The following MRNIP variants were observed in gnomAD, a reference collection of about 807,000 sequenced individuals.
MRNIP encodes the protein MRN complex interacting protein, also known as MRN complex-interacting protein.
Under a neutral mutation model 29.8 loss-of-function variants are expected in MRNIP, and 30 were observed. The ratio of observed to expected loss-of-function variants is 1.01; its 90% CI spans 0.75 to 1.36. The LOEUF is 1.36. Ranked by LOEUF, MRNIP falls within the 40% of genes most tolerant of loss-of-function variation. The pLI, the probability that MRNIP is intolerant of heterozygous loss-of-function variation, is 0.00. For synonymous variants in MRNIP, 201 were observed against 164.1 expected, an observed-to-expected ratio of 1.23 and a Z score of -1.72; for missense variants, 459 against 423.5, an observed-to-expected ratio of 1.08 and a Z score of -0.74.
intron 1 of MRNIP, among the ~76,000 whole-genome samples, chr5:179,858,407 CT>C (rs1242296175): frequency 6.6e-6 from 1 of 152,052 alleles, no homozygotes; most frequent in Non-Finnish European, 1.5e-5. Flanking sequence ...CGTCCTCCCC[CT>C]CTCACTGAAA....
In MRNIP at chr5:179,848,913, C is replaced by T. The variant is rs148422430; in HGVS notation, c.127-847G>A. Among the ~76,000 whole-genome samples the T allele has an allele frequency of 5.9e-3, 896 of 152,272 alleles. 4 individuals are homozygous for T. The highest frequency in any genetic ancestry group is 0.01 in the Middle Eastern group (3 of 294). ...GGAGGAACAGCAAAGAGGCCAGCAT[C>T]GCTGGAGCTGAGGGGTCTAAGGGGA... On this transcript the variant is annotated intron_variant, in intron 2 of 6. Coordinates refer to ENST00000292586, the MANE Select transcript of MRNIP (RefSeq NM_016175.4).
In MRNIP at chr5:179,842,077, G is replaced by GA; in HGVS notation, c.292-14dup. On this transcript the variant is annotated splice_polypyrimidine_tract_variant and intron_variant, in intron 4 of 6. Coordinates refer to ENST00000292586, the MANE Select transcript of MRNIP (RefSeq NM_016175.4). ...GCTGCGATTTTTCCTGCCAGATTGA[G>GA]AAAAAAGTTGATTCTCAGTACTGGA... 6.2e-7 allele frequency: 1 copy of GA among 1,609,994 alleles called. No homozygotes were observed. The highest frequency in any genetic ancestry group is 8.5e-7 in the Non-Finnish European group (1 of 1,178,948).
rs79299278 is a variant in MRNIP, at chr5:179,850,753, C to T, written c.126+2625G>A. Among the ~76,000 whole-genome samples, 769 of 152,318 alleles carry T rather than the reference C, an allele frequency of 5.0e-3. 5 individuals are homozygous for T. Among genetic ancestry groups the T allele is most frequent in the African/African-American group, 0.018 (742 of 41,560 alleles). ...AGGGACTGCTGGATGGATACTGAAG[C>T]GCATTCTTCCCGAAAACTAGATGTC... On this transcript the variant is annotated intron_variant, in intron 2 of 6. Transcript: ENST00000292586.
chr5:179,850,097 C>T (rs1017385513), intron 2 of MRNIP, among the ~76,000 whole-genome samples: 6 of 149,452 alleles, frequency 4.0e-5, no homozygotes, highest in African/African-American at 1.5e-4. Context: ...GCAGATGGTA[C>T]GAGATGGAAT....
Position 179,837,532 on chromosome 5 carries a change from C to T in MRNIP, c.891G>A (p.Glu297=). 6.2e-7 allele frequency: 1 copy of T among 1,614,222 alleles called. No individual in the cohort carries two copies. The highest frequency in any genetic ancestry group is 8.5e-7 in the Non-Finnish European group (1 of 1,180,024). Residue 297 remains glutamate, a synonymous_variant, in exon 7 of 7, where the codon GAG becomes GAA. Coordinates refer to ENST00000292586, the MANE Select transcript of MRNIP (RefSeq NM_016175.4). The part of the protein sequence containing the change: ...RATHPVTSGS[E]RPCGKTSWDA... ...CCCATGAGGTCTTCCCGCAAGGCCT[C>T]TCAGACCCAGATGTGACGGGGTGTG...
intron 1 of MRNIP, 93 bp from the exon 2 acceptor site, chr5:179,853,530 T>A (rs1236602815): frequency 9.8e-7 from 1 of 1,018,764 alleles, no homozygotes; most frequent in Non-Finnish European, 1.5e-6. Context: ...TAATCCCCCT[T>A]TGGGAGGCCG....
intron 3 of MRNIP, 45 bp from the exon 4 acceptor site, chr5:179,844,272 G>T: frequency 6.6e-7 from 1 of 1,524,744 alleles, no homozygotes; most frequent in East Asian, 2.3e-5. Context: ...ATGACCAGGG[G>T]CTGGGCACAG....
rs1296388652 is a variant in MRNIP, at chr5:179,837,411, C to G, written c.1012G>C (p.Asp338His). 2 of 1,595,510 alleles carry G rather than the reference C, an allele frequency of 1.3e-6. No individual in the cohort carries two copies. The highest frequency in any genetic ancestry group is 2.2e-5 in the South Asian group (2 of 89,282). The change falls in exon 7 of 7, where the codon GAC becomes CAC. Residue 338 changes from aspartate (D) to histidine (H), a missense_variant. Transcript: ENST00000292586. The stretch of plus-strand genomic sequence containing the variant: ...CCAGATCACACATCATCATCGAAGT[C>G]TTCCCCAGTTATAAAGAGGTCACAT... Reference protein sequence around the residue: ...RLCDLFITGEDFDDDV With the variant: ...RLCDLFITGEHFDDDV
intron 4 of MRNIP, among the ~76,000 whole-genome samples, chr5:179,843,055 A>AAGGGAGGGAGGG (rs1491471128): frequency 8.2e-6 from 1 of 121,596 alleles, no homozygotes. Context: ...GGAAGGAAGG[A>AAGGGAGGGAGGG]AGGAAGGGAG....
chr5:179,851,017 G>A, intron 2 of MRNIP: 1 of 348,996 alleles, frequency 2.9e-6, no homozygotes, highest in Non-Finnish European at 5.7e-6. Context: ...GCAGCGCCCT[G>A]CTGACCTTAT....
chr5:179,839,625 T>C (rs1758781740), intron 6 of MRNIP: 1 of 152,318 alleles, frequency 6.6e-6, no homozygotes, highest in African/African-American at 2.4e-5. Context: ...AAAGTTTGAA[T>C]TCTGCTTCTT....
intron 2 of MRNIP, among the ~76,000 whole-genome samples, chr5:179,850,353 C>G (rs6884305): frequency 0.016 from 2,385 of 147,088 alleles, 32 homozygotes; most frequent in Middle Eastern, 0.038. Context: ...AACAGTCTGG[C>G]CTTTGAACCT....
At chr5:179,857,873 A>G (rs1759660409) in intron 1 of MRNIP, among the ~76,000 whole-genome samples, 1 of 152,016 alleles carries the variant, frequency 6.6e-6, no homozygotes, top group East Asian at 2.0e-4. Context: ...TTAGCTGGGC[A>G]TGGTGGCGCA....
intron 1 of MRNIP, among the ~76,000 whole-genome samples, chr5:179,858,103 G>A (rs1759677521): frequency 6.6e-6 from 1 of 152,102 alleles, no homozygotes; most frequent in Non-Finnish European, 1.5e-5. Flanking sequence ...ACTATCAGAA[G>A]CAGATACGGT....
intron 2 of MRNIP, chr5:179,851,238 C>T: frequency 4.4e-6 from 2 of 455,828 alleles, no homozygotes; most frequent in Non-Finnish European, 8.8e-6. Context: ...GGGGTGTCTG[C>T]CTACCTGGTA....
At chr5:179,847,470 G>C (rs139685737) in intron 3 of MRNIP, 1 of 154,218 alleles carries the variant, frequency 6.5e-6, no homozygotes, top group Non-Finnish European at 1.4e-5. Context: ...GCCTGGCCGA[G>C]AGTTACTTTC....
At chr5:179,856,887 C>T (rs1210668359) in intron 1 of MRNIP, among the ~76,000 whole-genome samples, 4 of 151,790 alleles carry the variant, frequency 2.6e-5, no homozygotes, top group African/African-American at 7.3e-5. Context: ...CCAGGAGTTC[C>T]AGACCAGCCT....
intron 3 of MRNIP, chr5:179,845,969 T>G (rs1002755710): frequency 1.3e-5 from 2 of 152,182 alleles, no homozygotes; most frequent in African/African-American, 2.4e-5. Flanking sequence ...GTGCGCTTGG[T>G]CGAAGAGGAC....
intron 6 of MRNIP, chr5:179,840,077 T>A (rs1758814441): frequency 6.6e-6 from 1 of 152,356 alleles, no homozygotes; most frequent in Admixed American, 6.5e-5. Flanking sequence ...CTCGAGTGGC[T>A]GGGATTATAG....
Sources: allele counts gnomAD v4.1 joint callset (sites outside exome capture counted in the v4.1 genomes callset), GRCh38; gene constraint gnomAD v4.1.1; transcripts MANE v1.5; gene names NCBI Gene and HGNC (gene_info 2026-07-23, HGNC 2026-07-21).